Variants in ARHGAP21 observed in about 807,000 individuals in gnomAD.
The protein encoded by ARHGAP21 is rho GTPase-activating protein 21.
A neutral mutation model predicts 164.6 loss-of-function variants in ARHGAP21; 38 were observed. The ratio of observed to expected loss-of-function variants is 0.23; its 90% confidence interval spans 0.18 to 0.30. The LOEUF (loss-of-function observed/expected upper bound fraction) is 0.30, where lower values mean the gene tolerates loss of function less well. ARHGAP21 is among the 10% of genes least tolerant of loss of function. The pLI, the probability that ARHGAP21 is intolerant of heterozygous loss-of-function variation, is 1.00. For missense variants in ARHGAP21, 1,822 were observed against 2,370.7 expected (o/e 0.77, Z 4.81); for synonymous variants, 766 against 857.9 (o/e 0.89, Z 1.87).
intron 14 of ARHGAP21, among the ~76,000 whole-genome samples, chr10:24,599,957 C>T (rs2076743114): frequency 6.6e-6 from 1 of 151,908 alleles, no homozygotes; most frequent in South Asian, 2.1e-4. Context: ...CACGGTGAAA[C>T]CCCATCACTA....
chr10:24,591,816 C>T lies in ARHGAP21; in HGVS notation c.4002+71G>A, dbSNP rs759134728. On this transcript the variant is annotated intron_variant, in intron 22 of 25. Transcript: ENST00000396432. Reference sequence around the variant, plus strand: ...AACCAACCTCTGTCTGACCAAATAGCGGCTGCCCGTGAAAATGAATTTTCT... The same window carrying T: ...AACCAACCTCTGTCTGACCAAATAGTGGCTGCCCGTGAAAATGAATTTTCT... 247 of 1,589,502 alleles carry T rather than the reference C, an allele frequency of 1.6e-4. 1 individual carries two copies. The highest frequency in any genetic ancestry group is 2.0e-4 in the Non-Finnish European group (238 of 1,168,802).
intron 4 of ARHGAP21, among the ~76,000 whole-genome samples, chr10:24,655,930 T>C (rs1455430538): frequency 1.1e-5 from 1 of 94,738 alleles, no homozygotes; most frequent in African/African-American, 4.9e-5. Flanking sequence ...GTGAGGAGCG[T>C]CTCTGCCCGG....
At chr10:24,679,938 C>T (rs899470879) in intron 2 of ARHGAP21, among the ~76,000 whole-genome samples, 2 of 152,088 alleles carry the variant, frequency 1.3e-5, no homozygotes, top group Non-Finnish European at 2.9e-5. Flanking sequence ...CCCCTCTCCT[C>T]CCACCCCACA....
Position 24,636,279 on chromosome 10 carries a change from G to A in ARHGAP21, c.269-1176C>T, listed in dbSNP as rs77814873. Among the ~76,000 whole-genome samples, 825 of 152,316 alleles carry A rather than the reference G, an allele frequency of 5.4e-3. 5 individuals carry two copies. Among genetic ancestry groups the A allele is most frequent in the Non-Finnish European group, 9.6e-3 (652 of 68,034 alleles). The stretch of plus-strand genomic sequence containing the variant: ...AAACAGCATAAGTATTGTGGGGGAA[G>A]AAGGAGGTACACGGTAGTTCTAAAG... On this transcript the variant is annotated intron_variant, in intron 4 of 25. Coordinates refer to ENST00000396432, the MANE Select transcript of ARHGAP21 (RefSeq NM_020824.4).
intron 2 of ARHGAP21, among the ~76,000 whole-genome samples, chr10:24,720,323 G>A (rs1225201042): frequency 2.7e-5 from 4 of 149,200 alleles, no homozygotes; most frequent in African/African-American, 9.9e-5. Context: ...GCTAATTAAA[G>A]TATTCACAAG....
intron 4 of ARHGAP21, among the ~76,000 whole-genome samples, chr10:24,636,746 C>T (rs1836427699): frequency 6.6e-6 from 1 of 152,206 alleles, no homozygotes; most frequent in Non-Finnish European, 1.5e-5. Flanking sequence ...ATTTCAAAGG[C>T]AATGGGGCAT....
intron 17 of ARHGAP21, chr10:24,596,359 T>G: frequency 2.3e-6 from 1 of 436,136 alleles, no homozygotes; most frequent in Non-Finnish European, 4.0e-6. Context: ...GAGGAGAGAG[T>G]AATATCAATT....
intron 4 of ARHGAP21, among the ~76,000 whole-genome samples, chr10:24,662,013 T>C (rs1839748300): frequency 6.6e-6 from 1 of 152,140 alleles, no homozygotes; most frequent in Admixed American, 6.5e-5. Context: ...AAAGGTGCGA[T>C]CAAGGTAGGT....
chr10:24,591,391 A>AAAC, intron 23 of ARHGAP21, 61 bp from the exon 24 acceptor site: 1 of 1,438,732 alleles, frequency 7.0e-7, no homozygotes, highest in South Asian at 1.2e-5. Flanking sequence ...TTTAAAATTT[A>AAAC]AACAACATTT....
intron 2 of ARHGAP21, among the ~76,000 whole-genome samples, chr10:24,712,974 C>T (rs1481127897): frequency 6.8e-6 from 1 of 146,546 alleles, no homozygotes; most frequent in Non-Finnish European, 1.5e-5. Flanking sequence ...GGTATTACCT[C>T]AAGGTTAAAA....
Position 24,693,315 on chromosome 10 carries a change from C to T in ARHGAP21, c.64-22918G>A, listed in dbSNP as rs60680412. ...AAAAAGCCAACAATAGAATTCCCAT[C>T]ACGCTGGGAAGGAAATCTAAAACTT... On this transcript the variant is annotated intron_variant, in intron 2 of 25. Transcript: ENST00000396432. Among the ~76,000 whole-genome samples the T allele has an allele frequency of 5.8e-4, 89 of 152,226 alleles. 1 individual carries two copies. In the East Asian group the frequency reaches 0.016, roughly 28 times the overall value.
intron 9 of ARHGAP21, among the ~76,000 whole-genome samples, chr10:24,611,821 C>T (rs1048449651): frequency 6.6e-6 from 1 of 152,164 alleles, no homozygotes; most frequent in Non-Finnish European, 1.5e-5. Context: ...AGAAGTTCTT[C>T]CCTGTGAGCT....
intron 9 of ARHGAP21, among the ~76,000 whole-genome samples, chr10:24,608,260 A>G (rs1351143558): frequency 6.6e-6 from 1 of 152,188 alleles, no homozygotes; most frequent in Non-Finnish European, 1.5e-5. Context: ...TCAAATTTTA[A>G]ATGTACCACA....
At chr10:24,612,404 T>C (rs2077302389) in intron 9 of ARHGAP21, among the ~76,000 whole-genome samples, 1 of 152,228 alleles carries the variant, frequency 6.6e-6, no homozygotes, top group Admixed American at 6.5e-5. Context: ...ACAGCATGTA[T>C]ATATCTTTTT....
chr10:24,621,478 A>G, intron 8 of ARHGAP21, 109 bp from the exon 9 acceptor site: 2 of 977,394 alleles, frequency 2.0e-6, no homozygotes, highest in Non-Finnish European at 3.0e-6. Context: ...CCTGAGTGAC[A>G]TTCACTATAG....
chr10:24,622,454 A>G, intron 8 of ARHGAP21, among the ~76,000 whole-genome samples: 1 of 40,106 alleles, frequency 2.5e-5, no homozygotes, highest in East Asian at 7.1e-4. Flanking sequence ...ATATATATAT[A>G]TATATATATA....
Position 24,622,440 on chromosome 10 carries a change from ATATATAT to A in ARHGAP21, c.525+286_525+292del, listed in dbSNP as rs1834656008. Among the ~76,000 whole-genome samples the A allele has an allele frequency of 2.8e-3, 24 of 8,602 alleles. 1 individual carries two copies. The highest frequency in any genetic ancestry group is 0.011 in the African/African-American group (20 of 1,904). The allele number at this position is 8,602 out of a possible 152,430, so 5.6% of individuals were successfully genotyped here. A position where few individuals can be genotyped will look rare whatever the true frequency, so the allele number is the denominator to read the frequency against. ...GGTGAGATACTTAAAAAACATATAT[ATATATAT>A]ATATATATATATATATATATATATA... On this transcript the variant is annotated intron_variant, in intron 8 of 25. Transcript: ENST00000396432.
chr10:24,666,738 T>C (rs1284434922), intron 4 of ARHGAP21, among the ~76,000 whole-genome samples: 2 of 152,186 alleles, frequency 1.3e-5, no homozygotes, highest in East Asian at 1.9e-4. Context: ...TATAATGATA[T>C]ATTCCTCCAC....
At chr10:24,597,681 G>T in intron 15 of ARHGAP21, 98 bp from the exon 16 acceptor site, 6 of 1,506,396 alleles carry the variant, frequency 4.0e-6, no homozygotes, top group African/African-American at 1.4e-5. Flanking sequence ...AATATTAACT[G>T]GAAAATTCTT....
Sources: allele counts gnomAD v4.1 joint callset (sites outside exome capture counted in the v4.1 genomes callset), GRCh38; gene constraint gnomAD v4.1.1; transcripts MANE v1.5; gene names NCBI Gene and HGNC (gene_info 2026-07-23, HGNC 2026-07-21).